Variants in ITSN1 observed in about 807,000 individuals in gnomAD.
ITSN1 encodes intersectin-1.
In ITSN1, 58 loss-of-function variants were observed where a neutral mutation model predicts 239.8. The ratio of observed to expected loss-of-function variants is 0.24; its 90% CI spans 0.20 to 0.30. The LOEUF (loss-of-function observed/expected upper bound fraction) is 0.30. Ranked by LOEUF, ITSN1 falls within the 10% of genes least tolerant of loss-of-function variation. The probability of loss-of-function intolerance (pLI) is 1.00; values close to 1 mark genes in which losing one functional copy is unlikely to be tolerated. For missense variants in ITSN1, 1,558 were observed against 2,103.3 expected (o/e 0.74, Z 5.07); for synonymous variants, 780 against 770.8 (o/e 1.01, Z -0.20).
In ITSN1 at chr21:33,659,346, G is replaced by A. The variant is rs2089358107; in HGVS notation, c.-33+16633G>A. On this transcript the variant is annotated intron_variant, in intron 1 of 39. Transcript: ENST00000381318. ...GTTGCACAGAGCTTTTCCATGTTCGGTGAGTTGTTCTAGTCAATTACTTAA... is the reference window on the plus strand; with the variant it reads ...GTTGCACAGAGCTTTTCCATGTTCGATGAGTTGTTCTAGTCAATTACTTAA... 2.6e-5 allele frequency among the ~76,000 whole-genome samples: 4 copies of A among 152,178 alleles called. No individual in the cohort carries two copies. In the South Asian group the frequency reaches 8.3e-4, roughly 31 times the overall value.
At chr21:33,831,222 C>G (rs2074273392) in intron 27 of ITSN1, among the ~76,000 whole-genome samples, 2 of 152,202 alleles carry the variant, frequency 1.3e-5, no homozygotes, top group Admixed American at 1.3e-4. Flanking sequence ...TAGTGAAGGA[C>G]AGGGCTTGCT....
intron 29 of ITSN1, chr21:33,838,232 T>G (rs1388746026): frequency 1.0e-6 from 1 of 985,244 alleles, no homozygotes; most frequent in East Asian, 1.1e-4. Context: ...ACAATCTAGC[T>G]GTCCTCCTAA....
chr21:33,701,776 C>T (rs2092022063), intron 1 of ITSN1, among the ~76,000 whole-genome samples: 1 of 150,276 alleles, frequency 6.7e-6, no homozygotes, highest in Non-Finnish European at 1.5e-5. Flanking sequence ...GCCTGAGTAA[C>T]AGAGCGAGAC....
intron 1 of ITSN1, among the ~76,000 whole-genome samples, chr21:33,647,398 A>G (rs1056592898): frequency 4.6e-5 from 7 of 152,122 alleles, no homozygotes; most frequent in African/African-American, 1.7e-4. Context: ...TTTTTGCTTA[A>G]CATCTTGTCA....
At chr21:33,773,000 C>CTT (rs768551303) in intron 12 of ITSN1, among the ~76,000 whole-genome samples, 2,643 of 133,028 alleles carry the variant, frequency 0.02, 110 homozygotes, top group African/African-American at 0.07. Context: ...CTGCAATCTT[C>CTT]TTTTTTTTTT....
At chr21:33,872,741 A>G (rs1158932144) in intron 33 of ITSN1, among the ~76,000 whole-genome samples, 1 of 152,174 alleles carries the variant, frequency 6.6e-6, no homozygotes, top group East Asian at 1.9e-4. Context: ...CATGTTGGCC[A>G]GGCTTGTCTC....
At chr21:33,852,961 C>T (rs994660305) in intron 29 of ITSN1, among the ~76,000 whole-genome samples, 1 of 152,114 alleles carries the variant, frequency 6.6e-6, no homozygotes. Context: ...AGTTTTTAAA[C>T]TCACTTGTTT....
At chr21:33,753,761 T>TAAAA (rs760085854) in intron 7 of ITSN1, among the ~76,000 whole-genome samples, 821 of 81,728 alleles carry the variant, frequency 0.01, 31 homozygotes, top group African/African-American at 0.029. Flanking sequence ...GTCTCTTTCT[T>TAAAA]AAAAAAAAAA....
chr21:33,832,960 C>T (rs1181648148), intron 27 of ITSN1, among the ~76,000 whole-genome samples: 1 of 152,020 alleles, frequency 6.6e-6, no homozygotes, highest in Non-Finnish European at 1.5e-5. Flanking sequence ...TCCCTCCCAC[C>T]TTGTCCCCAG....
chr21:33,662,166 G>A (rs3827180), intron 1 of ITSN1, among the ~76,000 whole-genome samples: 32,773 of 151,946 alleles, frequency 0.22, 3,844 homozygotes, highest in Non-Finnish European at 0.25. Context: ...TAGCTTTACA[G>A]TTTATTTCCC....
In ITSN1 at chr21:33,735,962, C is replaced by T. The variant is rs4622813; in HGVS notation, c.346+758C>T. Among the ~76,000 whole-genome samples, 398 of 152,284 alleles carry T rather than the reference C, an allele frequency of 2.6e-3. 1 individual carries two copies. The highest frequency in any genetic ancestry group is 8.6e-3 in the African/African-American group (357 of 41,554). Reference sequence around the variant, plus strand: ...AGTGAGCCAAAATTGTGCCACTGTACTCCAGCCTGTGCGACAGAGCAAGAC... The same window carrying T: ...AGTGAGCCAAAATTGTGCCACTGTATTCCAGCCTGTGCGACAGAGCAAGAC... On this transcript the variant is annotated intron_variant, in intron 5 of 39. Coordinates refer to ENST00000381318, the MANE Select transcript of ITSN1 (RefSeq NM_003024.3).
intron 1 of ITSN1, among the ~76,000 whole-genome samples, chr21:33,664,207 C>T (rs1036747652): frequency 3.3e-5 from 5 of 152,116 alleles, no homozygotes; most frequent in Non-Finnish European, 5.9e-5. Flanking sequence ...TTAGAGCATC[C>T]GGTGAGGTCC....
chr21:33,838,991 G>A (rs2074732729), intron 29 of ITSN1, among the ~76,000 whole-genome samples: 1 of 152,214 alleles, frequency 6.6e-6, no homozygotes, highest in Admixed American at 6.5e-5. Context: ...TGATGCCACT[G>A]TTTGCTACAA....
intron 24 of ITSN1, among the ~76,000 whole-genome samples, chr21:33,820,075 A>G (rs535629626): frequency 1.3e-5 from 2 of 152,344 alleles, no homozygotes; most frequent in East Asian, 1.9e-4. Context: ...TACCATCCCA[A>G]ATGAAACTGA....
At chr21:33,723,557 T>C (rs1425680612) in intron 4 of ITSN1, among the ~76,000 whole-genome samples, 1 of 151,886 alleles carries the variant, frequency 6.6e-6, no homozygotes, top group Non-Finnish European at 1.5e-5. Flanking sequence ...GAGCTTGCAG[T>C]GAGCCGAGAT....
chr21:33,802,790 C>A (rs9305533), intron 20 of ITSN1, among the ~76,000 whole-genome samples: 18,683 of 152,122 alleles, frequency 0.12, 1,452 homozygotes, highest in East Asian at 0.28. Flanking sequence ...TTTTTTTAAG[C>A]AGACTATTGG....
At chr21:33,831,592 T>G in intron 27 of ITSN1, among the ~76,000 whole-genome samples, 1 of 151,754 alleles carries the variant, frequency 6.6e-6, no homozygotes. Context: ...GGAATGGAGG[T>G]TGGAACAGCA....
intron 11 of ITSN1, among the ~76,000 whole-genome samples, chr21:33,771,179 A>G (rs1406745777): frequency 6.6e-6 from 1 of 152,220 alleles, no homozygotes; most frequent in Non-Finnish European, 1.5e-5. Flanking sequence ...ATCGCTGACT[A>G]CAGTACGTGA....
At chr21:33,687,290 CGGGAG>C (rs1424914759) in intron 1 of ITSN1, among the ~76,000 whole-genome samples, 2 of 149,522 alleles carry the variant, frequency 1.3e-5, no homozygotes, top group African/African-American at 2.5e-5. Context: ...CTCAGCTACT[CGGGAG>C]GCTGTGGCAC....
Sources: gnomAD v4.1 joint callset for allele counts (sites outside exome capture counted in the v4.1 genomes callset) on GRCh38, gnomAD v4.1.1 for gene constraint, MANE v1.5 for transcripts, NCBI Gene and HGNC (gene_info 2026-07-23, HGNC 2026-07-21) for gene names.